The following UBE2R2 variants were observed in gnomAD, a reference collection of about 807,000 sequenced individuals.
The protein encoded by UBE2R2 is ubiquitin-conjugating enzyme E2 R2.
A neutral mutation model predicts 27.8 loss-of-function variants in UBE2R2; 1 was observed. The ratio of observed to expected loss-of-function variants is 0.04; its 90% CI spans 0.01 to 0.17. The LOEUF (loss-of-function observed/expected upper bound fraction) is 0.17. Ranked by LOEUF, UBE2R2 falls within the 10% of genes least tolerant of loss-of-function variation. The probability of loss-of-function intolerance (pLI) is 1.00; values close to 1 mark genes in which losing one functional copy is unlikely to be tolerated. For missense variants in UBE2R2, 100 were observed against 291.0 expected (o/e 0.34, Z 4.78); for synonymous variants, 106 against 113.3 (o/e 0.94, Z 0.41).
intron 1 of UBE2R2, among the ~76,000 whole-genome samples, chr9:33,856,871 T>G (rs2790735): frequency 0.028 from 3,925 of 142,696 alleles, 129 homozygotes; most frequent in East Asian, 0.08. Context: ...CTGTCCGTCC[T>G]TCCTTCCTTC....
chr9:33,855,504 G>A (rs1821080902), intron 1 of UBE2R2, among the ~76,000 whole-genome samples: 1 of 152,110 alleles, frequency 6.6e-6, no homozygotes, highest in Non-Finnish European at 1.5e-5. Context: ...GTTTGGTTAT[G>A]TATATTGGGG....
chr9:33,858,314 C>T (rs1262836599), intron 1 of UBE2R2, among the ~76,000 whole-genome samples: 1 of 152,170 alleles, frequency 6.6e-6, no homozygotes, highest in Non-Finnish European at 1.5e-5. Flanking sequence ...TCTTTACATT[C>T]TGATCAGAAA....
chr9:33,846,123 C>CAAAA lies in UBE2R2; in HGVS notation c.177+28201_177+28204dup, dbSNP rs35915082. Among the ~76,000 whole-genome samples the CAAAA allele has an allele frequency of 2.1e-4, 29 of 135,328 alleles. 1 individual carries two copies. In the East Asian group the frequency reaches 5.6e-3, roughly 26 times the overall value. 88.8% of individuals were successfully genotyped at this position (135,328 alleles called of 152,430 possible). On this transcript the variant is annotated intron_variant, in intron 1 of 4. Coordinates refer to ENST00000263228, the MANE Select transcript of UBE2R2 (RefSeq NM_017811.4). ...CCTGGGTGACAGCAAGACTCCGTCTCAAAAAAAAAAAAAAATACAAAAATT... is the reference window on the plus strand; with the variant it reads ...CCTGGGTGACAGCAAGACTCCGTCTCAAAAAAAAAAAAAAAAAAATACAAAAATT...
intron 1 of UBE2R2, among the ~76,000 whole-genome samples, chr9:33,867,671 AT>A (rs1235837075): frequency 1.3e-5 from 2 of 151,712 alleles, no homozygotes; most frequent in African/African-American, 4.8e-5. Flanking sequence ...GCATTTAGAT[AT>A]CCTCTTTTGT....
chr9:33,872,045 A>C (rs1821496043), intron 1 of UBE2R2, among the ~76,000 whole-genome samples: 2 of 152,038 alleles, frequency 1.3e-5, no homozygotes, highest in Non-Finnish European at 2.9e-5. Flanking sequence ...GCTGATATAT[A>C]GGTCAAATTT....
chr9:33,821,866 A>G (rs998351407), intron 1 of UBE2R2, among the ~76,000 whole-genome samples: 1 of 152,074 alleles, frequency 6.6e-6, no homozygotes, highest in Non-Finnish European at 1.5e-5. Context: ...TGATCTGCCC[A>G]TCTCAGCCTC....
At chr9:33,880,168 G>A (rs1368966786) in intron 1 of UBE2R2, among the ~76,000 whole-genome samples, 1 of 152,068 alleles carries the variant, frequency 6.6e-6, no homozygotes. Context: ...TTATAGGTGT[G>A]AGCCACTGCA....
chr9:33,837,500 A>G (rs1820641218), intron 1 of UBE2R2, among the ~76,000 whole-genome samples: 1 of 147,056 alleles, frequency 6.8e-6, no homozygotes, highest in African/African-American at 2.5e-5. Flanking sequence ...AACATAGCTT[A>G]CTGCAACCTC....
Position 33,867,038 on chromosome 9 carries a change from C to G in UBE2R2, c.178-19843C>G, listed in dbSNP as rs185879307. On this transcript the variant is annotated intron_variant, in intron 1 of 4. Coordinates refer to ENST00000263228, the MANE Select transcript of UBE2R2 (RefSeq NM_017811.4). Reference sequence around the variant, plus strand: ...TCCTATTTTAAAACTTTTGTCCCCTCCAATGTCCTAAATATTCCTGGTTTT... The same window carrying G: ...TCCTATTTTAAAACTTTTGTCCCCTGCAATGTCCTAAATATTCCTGGTTTT... 3.8e-4 allele frequency among the ~76,000 whole-genome samples: 58 copies of G among 152,226 alleles called. No individual in the cohort carries two copies. The East Asian group carries it at 0.01, about 27-fold the overall frequency.
At chr9:33,832,552 G>A (rs1214508060) in intron 1 of UBE2R2, among the ~76,000 whole-genome samples, 1 of 151,656 alleles carries the variant, frequency 6.6e-6, no homozygotes, top group Non-Finnish European at 1.5e-5. Flanking sequence ...AGCTACTTGG[G>A]AGGCTGAGGC....
intron 2 of UBE2R2, among the ~76,000 whole-genome samples, chr9:33,894,117 C>G (rs1305726785): frequency 2.0e-5 from 3 of 152,046 alleles, no homozygotes; most frequent in African/African-American, 7.2e-5. Flanking sequence ...TACATCCTTA[C>G]CAACACTTGT....
At chr9:33,909,073 T>C (rs1195497462) in intron 3 of UBE2R2, among the ~76,000 whole-genome samples, 1 of 152,128 alleles carries the variant, frequency 6.6e-6, no homozygotes, top group Non-Finnish European at 1.5e-5. Flanking sequence ...TTCAAAGTGC[T>C]TAGTAGCTGC....
intron 1 of UBE2R2, among the ~76,000 whole-genome samples, chr9:33,877,799 C>CTCTGTCTGTCTGTCTGTCTG (rs546643488): frequency 9.0e-5 from 13 of 145,234 alleles, no homozygotes; most frequent in African/African-American, 3.2e-4. Context: ...TTTTGCCCCT[C>CTCTGTCTGTCTGTCTGTCTG]TCTGTCTGTC....
At chr9:33,834,512 T>C (rs1361454082) in intron 1 of UBE2R2, among the ~76,000 whole-genome samples, 1 of 151,626 alleles carries the variant, frequency 6.6e-6, no homozygotes, top group African/African-American at 2.4e-5. Context: ...CGCCCAGCCT[T>C]CCTGGAGCTC....
At chr9:33,896,449 GT>G (rs1554676476) in intron 2 of UBE2R2, among the ~76,000 whole-genome samples, 78 of 142,814 alleles carry the variant, frequency 5.5e-4, no homozygotes, top group Non-Finnish European at 6.5e-4. Context: ...GGTTTTTTTG[GT>G]TTTTTTTTTT....
chr9:33,820,064 A>G (rs768776927), intron 1 of UBE2R2, among the ~76,000 whole-genome samples: 3 of 152,270 alleles, frequency 2.0e-5, no homozygotes, highest in Non-Finnish European at 4.4e-5. Context: ...AATGGGTACT[A>G]GTTAGAATAA....
chr9:33,851,229 C>T (rs1449037706), intron 1 of UBE2R2, among the ~76,000 whole-genome samples: 1 of 152,056 alleles, frequency 6.6e-6, no homozygotes, highest in Non-Finnish European at 1.5e-5. Context: ...TTTCCTGAAC[C>T]ATTTGAGGGT....
chr9:33,882,537 G>T (rs1222609209), intron 1 of UBE2R2, among the ~76,000 whole-genome samples: 1 of 152,112 alleles, frequency 6.6e-6, no homozygotes, highest in African/African-American at 2.4e-5. Context: ...CCCGCCTAGG[G>T]CTCCAAAAGT....
chr9:33,845,833 C>T (rs1820832213), intron 1 of UBE2R2, among the ~76,000 whole-genome samples: 1 of 151,660 alleles, frequency 6.6e-6, no homozygotes, highest in Admixed American at 6.6e-5. Flanking sequence ...CATGGCGAAA[C>T]TCTGTCTCTA....
Sources: allele counts gnomAD v4.1 joint callset (sites outside exome capture counted in the v4.1 genomes callset), GRCh38; gene constraint gnomAD v4.1.1; transcripts MANE v1.5; gene names NCBI Gene and HGNC (gene_info 2026-07-23, HGNC 2026-07-21).